NRCAM: variants seen among roughly 807,000 people sequenced by gnomAD.
NRCAM encodes neuronal cell adhesion molecule.
In NRCAM, 83 loss-of-function variants were observed where a neutral mutation model predicts 156.5. The observed-to-expected ratio is 0.53, with a 90% CI of 0.44 to 0.64. The LOEUF (loss-of-function observed/expected upper bound fraction) is 0.64, where lower values mean the gene tolerates loss of function less well. NRCAM is among the 30% of genes least tolerant of loss of function. NRCAM has a pLI of 0.00. For synonymous variants in NRCAM, 538 were observed against 563.9 expected (o/e 0.95, Z 0.65); for missense variants, 1,417 against 1,597.3 (o/e 0.89, Z 1.92).
At chr7:108,448,757 T>C (rs751035707) in intron 1 of NRCAM, among the ~76,000 whole-genome samples, 1 of 151,936 alleles carries the variant, frequency 6.6e-6, no homozygotes, top group Non-Finnish European at 1.5e-5. Flanking sequence ...CGAGAGTAAA[T>C]ATAAGAGTGA....
At chr7:108,179,945 A>C (rs1278340293) in intron 25 of NRCAM, among the ~76,000 whole-genome samples, 1 of 152,230 alleles carries the variant, frequency 6.6e-6, no homozygotes, top group Non-Finnish European at 1.5e-5. Context: ...ATAAATGTCA[A>C]AGTAACAAGG....
chr7:108,427,130 G>A (rs542949151), intron 1 of NRCAM, among the ~76,000 whole-genome samples: 3 of 152,166 alleles, frequency 2.0e-5, no homozygotes, highest in Admixed American at 1.3e-4. Context: ...CCAAATCCTA[G>A]GGCACCTGAA....
intron 1 of NRCAM, among the ~76,000 whole-genome samples, chr7:108,432,191 A>C (rs930748485): frequency 6.6e-6 from 1 of 152,224 alleles, no homozygotes; most frequent in Non-Finnish European, 1.5e-5. Flanking sequence ...TATGTCCACT[A>C]TGTCAGCTAT....
intron 3 of NRCAM, among the ~76,000 whole-genome samples, chr7:108,261,591 A>G (rs55772998): frequency 0.051 from 7,687 of 151,892 alleles, 257 homozygotes; most frequent in South Asian, 0.11. Context: ...AGGCAAAAAG[A>G]CAGGACATCC....
At position 108,295,617 on chromosome 7, in the gene NRCAM, A is replaced by G. The variant is rs558319313; in HGVS notation, c.-107+17048T>C. Among the ~76,000 whole-genome samples the G allele has an allele frequency of 5.9e-5, 9 of 152,348 alleles. No homozygotes were observed. The South Asian group carries it at 1.0e-3, about 18-fold the overall frequency. ...AGACACCACATCCTAATGCCATCAC[A>G]TCAGAGATTTAGGCTTCAACATATG... On this transcript the variant is annotated intron_variant, in intron 3 of 32. Transcript: ENST00000379028.
At chr7:108,174,465 T>C (rs2059724875) in intron 28 of NRCAM, among the ~76,000 whole-genome samples, 1 of 152,256 alleles carries the variant, frequency 6.6e-6, no homozygotes, top group Non-Finnish European at 1.5e-5. Context: ...ACCATGGGCA[T>C]GCCACGTGAA....
At chr7:108,169,821 A>T (rs1055904806) in intron 28 of NRCAM, among the ~76,000 whole-genome samples, 1 of 152,232 alleles carries the variant, frequency 6.6e-6, no homozygotes, top group African/African-American at 2.4e-5. Flanking sequence ...TTCTTAAAAA[A>T]TTTTGGAATA....
chr7:108,284,472 AC>A (rs1328889092), intron 3 of NRCAM, among the ~76,000 whole-genome samples: 1 of 152,002 alleles, frequency 6.6e-6, no homozygotes, highest in Non-Finnish European at 1.5e-5. Context: ...TCTTTACAAA[AC>A]CTTAATCACA....
At chr7:108,256,744 G>A (rs2096682423) in intron 3 of NRCAM, among the ~76,000 whole-genome samples, 1 of 152,130 alleles carries the variant, frequency 6.6e-6, no homozygotes, top group African/African-American at 2.4e-5. Flanking sequence ...TAGCCAGCAT[G>A]GTGGTTCATA....
rs1335253924 is a variant in NRCAM at position 108,198,083 on chromosome 7, G to A, written c.1224C>T (p.Pro408=). 1 of 1,600,962 alleles carries A rather than the reference G, an allele frequency of 6.2e-7. No homozygotes were observed. Residue 408 remains proline (P), a synonymous_variant, in exon 14 of 33, where the codon CCC becomes CCT. Transcript: ENST00000379028. ...TGGTATCGCCATCTATTTTTCTGCT[G>A]GGGTCATCAGGGGCAACTGTTTGGA... is the stretch of plus-strand genomic sequence containing the variant. The part of the protein sequence containing the change: ...GVPIEIAPDD[P]SRKIDGDTII...
chr7:108,455,389 A>T (rs1237416443), intron 1 of NRCAM, among the ~76,000 whole-genome samples: 1 of 152,122 alleles, frequency 6.6e-6, no homozygotes, highest in African/African-American at 2.4e-5. Flanking sequence ...TCAACACAGC[A>T]TCCCGGGCGG....
At chr7:108,248,109 G>T (rs2096078077) in intron 3 of NRCAM, among the ~76,000 whole-genome samples, 1 of 152,092 alleles carries the variant, frequency 6.6e-6, no homozygotes, top group South Asian at 2.1e-4. Context: ...TGTAAACTGA[G>T]ATTTCTACAA....
At chr7:108,333,287 C>T (rs191205646) in intron 2 of NRCAM, among the ~76,000 whole-genome samples, 1 of 152,150 alleles carries the variant, frequency 6.6e-6, no homozygotes, top group Non-Finnish European at 1.5e-5. Flanking sequence ...CACGCACACA[C>T]ACGTGCACCC....
intron 7 of NRCAM, 32 bp downstream of exon 7, chr7:108,232,294 A>C: frequency 6.7e-7 from 1 of 1,503,320 alleles, no homozygotes; most frequent in Middle Eastern, 2.4e-4. Context: ...TACTTTAAAA[A>C]GGGTCATGTT....
At chr7:108,297,705 A>G (rs999184989) in intron 3 of NRCAM, among the ~76,000 whole-genome samples, 8 of 152,060 alleles carry the variant, frequency 5.3e-5, no homozygotes, top group African/African-American at 9.7e-5. Context: ...TGCAAATTAT[A>G]TAGTTTCTTA....
intron 2 of NRCAM, among the ~76,000 whole-genome samples, chr7:108,313,521 C>G (rs2098833699): frequency 6.6e-6 from 1 of 152,160 alleles, no homozygotes; most frequent in Non-Finnish European, 1.5e-5. Context: ...TTCAGGAACT[C>G]TGGACTGCAC....
chr7:108,190,523 C>T (rs1563347494), intron 19 of NRCAM, among the ~76,000 whole-genome samples: 1 of 152,022 alleles, frequency 6.6e-6, no homozygotes, highest in Non-Finnish European at 1.5e-5. Flanking sequence ...CTACAAAGCA[C>T]AGGTTTTATA....
At chr7:108,363,983 A>G (rs1435470041) in intron 2 of NRCAM, among the ~76,000 whole-genome samples, 1 of 152,194 alleles carries the variant, frequency 6.6e-6, no homozygotes, top group African/African-American at 2.4e-5. Context: ...AAACAAGATT[A>G]GTAAAAATCT....
At chr7:108,324,832 GCTCA>G (rs1310730921) in intron 2 of NRCAM, among the ~76,000 whole-genome samples, 1 of 145,974 alleles carries the variant, frequency 6.9e-6, no homozygotes, top group Non-Finnish European at 1.5e-5. Flanking sequence ...CCAAAGAAAT[GCTCA>G]CTGACTTTTA....
Sources: allele counts gnomAD v4.1 joint callset (sites outside exome capture counted in the v4.1 genomes callset), GRCh38; gene constraint gnomAD v4.1.1; transcripts MANE v1.5; gene names NCBI Gene and HGNC (gene_info 2026-07-23, HGNC 2026-07-21).